Variants in FRMD5 observed in about 807,000 individuals in gnomAD.
FRMD5 encodes FERM domain-containing protein 5.
FRMD5 carries 20 observed loss-of-function variants against 69.0 expected under a neutral mutation model. That is an observed-to-expected ratio of 0.29 (90% CI 0.20 to 0.42). FRMD5 has a LOEUF of 0.42. FRMD5 is among the 10% of genes least tolerant of loss of function. FRMD5 has a pLI of 1.00. For missense variants in FRMD5, 595 were observed against 708.6 expected, an observed-to-expected ratio of 0.84 and a Z score of 1.82; for synonymous variants, 271 against 260.1, an observed-to-expected ratio of 1.04 and a Z score of -0.40.
At chr15:44,031,510 C>CCTTA (rs1891681329) in intron 1 of FRMD5, among the ~76,000 whole-genome samples, 1 of 151,982 alleles carries the variant, frequency 6.6e-6, no homozygotes, top group African/African-American at 2.4e-5. Context: ...CTTAATATGT[C>CCTTA]CTTACATGGT....
At chr15:43,934,878 C>G (rs2089733552) in intron 1 of FRMD5, among the ~76,000 whole-genome samples, 1 of 152,168 alleles carries the variant, frequency 6.6e-6, no homozygotes, top group Non-Finnish European at 1.5e-5. Flanking sequence ...GCGTGACAGT[C>G]TGGCTGGGGT....
intron 1 of FRMD5, among the ~76,000 whole-genome samples, chr15:44,147,915 C>CA (rs1169839865): frequency 1.4e-4 from 21 of 152,014 alleles, no homozygotes; most frequent in Admixed American, 3.3e-4. Context: ...CCAGGGTGGG[C>CA]AAAAAAAGAC....
intron 1 of FRMD5, among the ~76,000 whole-genome samples, chr15:44,057,666 C>A (rs1892927622): frequency 6.6e-6 from 1 of 152,164 alleles, no homozygotes; most frequent in South Asian, 2.1e-4. Flanking sequence ...GATACAACAG[C>A]AACAAAATCC....
chr15:43,878,726 C>T (rs1379646171), intron 13 of FRMD5, among the ~76,000 whole-genome samples: 1 of 152,158 alleles, frequency 6.6e-6, no homozygotes, highest in African/African-American at 2.4e-5. Context: ...GAAGACAGCT[C>T]TGACTGCAGG....
chr15:43,990,841 C>T (rs1889640559), intron 1 of FRMD5, among the ~76,000 whole-genome samples: 1 of 152,174 alleles, frequency 6.6e-6, no homozygotes, highest in Non-Finnish European at 1.5e-5. Context: ...GGTAATTTAA[C>T]TATGGCTGAT....
intron 1 of FRMD5, among the ~76,000 whole-genome samples, chr15:43,951,552 T>G (rs1307109036): frequency 6.6e-6 from 1 of 152,206 alleles, no homozygotes; most frequent in Non-Finnish European, 1.5e-5. Flanking sequence ...GCTCTTAGAC[T>G]TCAAATACCA....
chr15:44,027,668 C>T (rs1227741838), intron 1 of FRMD5, among the ~76,000 whole-genome samples: 4 of 119,156 alleles, frequency 3.4e-5, no homozygotes, highest in Admixed American at 1.8e-4. Context: ...TTTTTTTTTC[C>T]GAGACAGAGT....
intron 1 of FRMD5, among the ~76,000 whole-genome samples, chr15:43,929,476 C>T (rs1002852640): frequency 1.6e-4 from 24 of 152,182 alleles, no homozygotes; most frequent in African/African-American, 4.6e-4. Flanking sequence ...CAAGTGCAAA[C>T]GAAGTAGAGT....
At chr15:43,889,878 G>C (rs1227162888) in intron 8 of FRMD5, among the ~76,000 whole-genome samples, 1 of 152,128 alleles carries the variant, frequency 6.6e-6, no homozygotes, top group Non-Finnish European at 1.5e-5. Flanking sequence ...CCTCCACTTG[G>C]CTGCTGCTTT....
Position 44,002,036 on chromosome 15 carries a change from C to T in FRMD5, c.103-77727G>A, listed in dbSNP as rs577871647. The stretch of plus-strand genomic sequence containing the variant: ...TTTATTTTGATGCCAAAAGACTCCT[C>T]GGTTTGGCCACAGTGAGCCCCTTCA... On this transcript the variant is annotated intron_variant, in intron 1 of 13. Coordinates refer to ENST00000417257, the MANE Select transcript of FRMD5 (RefSeq NM_032892.5). Among the ~76,000 whole-genome samples the T allele has an allele frequency of 5.4e-4, 83 of 152,294 alleles. No homozygotes were observed. The South Asian group carries it at 0.014, about 25-fold the overall frequency.
chr15:43,996,602 G>A (rs940571610), intron 1 of FRMD5, among the ~76,000 whole-genome samples: 1 of 149,768 alleles, frequency 6.7e-6, no homozygotes, highest in African/African-American at 2.5e-5. Context: ...GTGCTATAAA[G>A]TTCAATTTCA....
Position 43,874,967 on chromosome 15 carries a change from A to G in FRMD5, c.1136-505T>C, listed in dbSNP as rs550642428. On this transcript the variant is annotated intron_variant, in intron 13 of 13. Coordinates refer to ENST00000417257, the MANE Select transcript of FRMD5 (RefSeq NM_032892.5). ...GTAATCCCAGCACTTTGGGAGGCCA[A>G]GGCGGGCGGATCATGAGGTAAGGAG... Among the ~76,000 whole-genome samples the G allele has an allele frequency of 5.6e-4, 85 of 152,144 alleles. 2 individuals carry two copies. The South Asian group carries it at 0.017, about 31-fold the overall frequency.
rs2089543524 is a variant in FRMD5 at position 43,924,239 on chromosome 15, A to T, written c.173T>A (p.Phe58Tyr). 6.2e-7 allele frequency: 1 copy of T among 1,613,976 alleles called. No homozygotes were observed. Among genetic ancestry groups the T allele is most frequent in the African/African-American group, 1.3e-5 (1 of 74,906 alleles). Reference sequence around the variant, plus strand: ...ATCTGGGTCTACAAAGCGGATACCAAAATAGTCTTTCTCAAGTAGGTTCAG... The same window carrying T: ...ATCTGGGTCTACAAAGCGGATACCATAATAGTCTTTCTCAAGTAGGTTCAG... Reference protein sequence around the residue: ...HHLNLLEKDYFGIRFVDPDKQ... With the variant: ...HHLNLLEKDYYGIRFVDPDKQ... The change falls in exon 2 of 14, where the codon TTT (phenylalanine) becomes TAT (tyrosine). Residue 58 changes from phenylalanine (F) to tyrosine (Y), a missense_variant. Transcript: ENST00000417257.
At chr15:44,098,503 G>A (rs1246239819) in intron 1 of FRMD5, among the ~76,000 whole-genome samples, 5 of 137,450 alleles carry the variant, frequency 3.6e-5, no homozygotes, top group African/African-American at 1.4e-4. Context: ...CCAGCCTGGC[G>A]ACACAGCAAG....
chr15:43,897,780 G>T (rs892390933), intron 7 of FRMD5, among the ~76,000 whole-genome samples: 2 of 152,122 alleles, frequency 1.3e-5, no homozygotes, highest in Admixed American at 1.3e-4. Context: ...ATCTGATGTG[G>T]AATTTTAACC....
intron 7 of FRMD5, among the ~76,000 whole-genome samples, chr15:43,896,150 C>T (rs542745629): frequency 5.9e-5 from 9 of 152,040 alleles, no homozygotes; most frequent in Non-Finnish European, 1.3e-4. Context: ...GATAGCTATG[C>T]CGTGGATATC....
intron 4 of FRMD5, among the ~76,000 whole-genome samples, chr15:43,917,232 C>T (rs1172259596): frequency 3.3e-5 from 5 of 152,176 alleles, no homozygotes; most frequent in East Asian, 1.9e-4. Context: ...ACAACAAAGA[C>T]GTGTTAGGTT....
intron 1 of FRMD5, among the ~76,000 whole-genome samples, chr15:43,940,826 G>C (rs1176619511): frequency 6.6e-6 from 1 of 152,186 alleles, no homozygotes; most frequent in Non-Finnish European, 1.5e-5. Flanking sequence ...GAGGCTGGGA[G>C]AACAGGTTGA....
chr15:44,066,328 C>G (rs1410915862), intron 1 of FRMD5, among the ~76,000 whole-genome samples: 1 of 152,178 alleles, frequency 6.6e-6, no homozygotes, highest in Non-Finnish European at 1.5e-5. Context: ...AATTCACAAT[C>G]TACTTTCAAA....
Sources: allele counts gnomAD v4.1 joint callset (sites outside exome capture counted in the v4.1 genomes callset), GRCh38; gene constraint gnomAD v4.1.1; transcripts MANE v1.5; gene names NCBI Gene and HGNC (gene_info 2026-07-23, HGNC 2026-07-21).